The following ZNF461 variants were observed in gnomAD, a reference collection of about 807,000 sequenced individuals.
ZNF461 encodes the protein gonadotropin-inducible ovarian transcription factor-1.
Under a neutral mutation model 18.3 loss-of-function variants are expected in ZNF461, and 16 were observed. That is an observed-to-expected ratio of 0.88 (90% confidence interval 0.59 to 1.33). The LOEUF (loss-of-function observed/expected upper bound fraction) is 1.33, where lower values mean the gene tolerates loss of function less well. Ranked by LOEUF, ZNF461 falls within the 40% of genes most tolerant of loss-of-function variation. The pLI is 0.00. For synonymous variants in ZNF461, 179 were observed against 216.9 expected (o/e 0.83, Z 1.54); for missense variants, 595 against 669.9 (o/e 0.89, Z 1.23).
intron 4 of ZNF461, among the ~76,000 whole-genome samples, chr19:36,648,411 G>C (rs2037566257): frequency 6.6e-6 from 1 of 151,998 alleles, no homozygotes. Context: ...AGCAATGCAA[G>C]AATGATCTAA....
At chr19:36,643,986 G>C in intron 4 of ZNF461, 124 bp from the exon 5 acceptor site, 1 of 740,476 alleles carries the variant, frequency 1.4e-6, no homozygotes, top group Non-Finnish European at 1.9e-6. Flanking sequence ...AAGCTGGAGT[G>C]CAATCACACA....
In ZNF461 at chr19:36,656,430, C is replaced by G; in HGVS notation, c.232+18G>C. On this transcript the variant is annotated intron_variant, in intron 4 of 5. Coordinates refer to ENST00000588268, the MANE Select transcript of ZNF461 (RefSeq NM_153257.5). ...CTGGCCTGCTCTCTGCAAGAGCTTC[C>G]TGTGCTTGCTCACTCACCTGGGCAC... 6.2e-7 allele frequency: 1 copy of G among 1,607,546 alleles called. No homozygotes were observed. Among genetic ancestry groups the G allele is most frequent in the African/African-American group, 1.3e-5 (1 of 74,934 alleles).
rs781020841 is a variant in ZNF461, at chr19:36,639,770, G to A, written c.575C>T (p.Ser192Phe). The change falls in exon 6 of 6, where the codon TCT (serine) becomes TTT (phenylalanine). Residue 192 changes from serine (S) to phenylalanine (F), a missense_variant. By Grantham distance (155) the Ser-to-Phe change is radical. Coordinates refer to ENST00000588268, the MANE Select transcript of ZNF461 (RefSeq NM_153257.5). ...GATTTTTCTACACTTTTTACATTCA[G>A]AGATTTTCTCTCTATCATAAAATTC... Reference protein sequence around the residue: ...TQEFYDREKISECKKCRKIFS... With the variant: ...TQEFYDREKIFECKKCRKIFS... 1 of 1,613,572 alleles carries A rather than the reference G, an allele frequency of 6.2e-7. No individual in the cohort carries two copies. The highest frequency in any genetic ancestry group is 1.1e-5 in the South Asian group (1 of 91,050).
At chr19:36,644,185 G>A (rs1389221999) in intron 4 of ZNF461, among the ~76,000 whole-genome samples, 3 of 151,954 alleles carry the variant, frequency 2.0e-5, no homozygotes, top group Non-Finnish European at 2.9e-5. Context: ...CGCCCACCTC[G>A]GCCTCCCAAA....
At chr19:36,645,080 T>C (rs1426468337) in intron 4 of ZNF461, 5 of 152,378 alleles carry the variant, frequency 3.3e-5, no homozygotes, top group Non-Finnish European at 5.9e-5. Flanking sequence ...AATAGAAATG[T>C]AGCTGGGTGT....
rs946412454 is a variant in ZNF461 at position 36,638,023 on chromosome 19, G to A, written c.*630C>T. On this transcript the variant is annotated 3_prime_UTR_variant, in exon 6 of 6. Coordinates refer to ENST00000588268, the MANE Select transcript of ZNF461 (RefSeq NM_153257.5). ...TCTTTAATCCCACTGTTGGGAATCT[G>A]CACAATAGAAACAAAAGAAGGTAAA... 1 of 218,396 alleles carries A rather than the reference G, an allele frequency of 4.6e-6. No individual in the cohort carries two copies. Among genetic ancestry groups the A allele is most frequent in the African/African-American group, 2.4e-5 (1 of 42,428 alleles). The allele number at this position is 218,396 out of a possible 1,614,324, so 13.5% of individuals were successfully genotyped here.
intron 2 of ZNF461, among the ~76,000 whole-genome samples, chr19:36,661,771 C>G (rs1039300737): frequency 2.0e-5 from 3 of 152,062 alleles, no homozygotes; most frequent in African/African-American, 7.3e-5. Context: ...AAACTCAGAT[C>G]ACAGGAAGGA....
chr19:36,648,665 C>T (rs565443719), intron 4 of ZNF461, among the ~76,000 whole-genome samples: 3 of 152,228 alleles, frequency 2.0e-5, no homozygotes, highest in South Asian at 4.1e-4. Flanking sequence ...CTGCAACCTT[C>T]GCCTCCCAGG....
At chr19:36,640,246 A>G (rs1442422911) in intron 5 of ZNF461, 6 of 489,370 alleles carry the variant, frequency 1.2e-5, no homozygotes, top group African/African-American at 3.9e-5. Context: ...ATGGTGCTGA[A>G]ATTTTGATCC....
In ZNF461 at chr19:36,664,802, G is replaced by T; in HGVS notation, c.-80-16C>A. On this transcript the variant is annotated splice_polypyrimidine_tract_variant and intron_variant, in intron 1 of 5. Transcript: ENST00000588268. ...GAAGGTGTTGCTGGGAGAGAGGGGA[G>T]TTAAAAAAAAGACAGGAGATTATTG... The T allele has an allele frequency of 1.0e-6, 1 of 983,928 alleles. No homozygotes were observed. The highest frequency in any genetic ancestry group is 1.4e-6 in the Non-Finnish European group (1 of 701,748). 60.9% of individuals were successfully genotyped at this position (983,928 alleles called of 1,614,324 possible).
At chr19:36,658,622 T>G in intron 2 of ZNF461, 197 bp from the exon 3 acceptor site, 1 of 443,768 alleles carries the variant, frequency 2.3e-6, no homozygotes, top group Non-Finnish European at 3.9e-6. Flanking sequence ...ATTCATTTTC[T>G]GCAGACACAT....
At chr19:36,645,635 T>G (rs1224968317) in intron 4 of ZNF461, among the ~76,000 whole-genome samples, 1 of 152,118 alleles carries the variant, frequency 6.6e-6, no homozygotes, top group Non-Finnish European at 1.5e-5. Context: ...CCTTACATAG[T>G]TAACTGTTTT....
At chr19:36,661,903 C>T (rs775042190) in intron 2 of ZNF461, among the ~76,000 whole-genome samples, 4 of 151,986 alleles carry the variant, frequency 2.6e-5, no homozygotes, top group Non-Finnish European at 2.9e-5. Context: ...GGCGGAGTTT[C>T]GCTCTTTTGA....
intron 3 of ZNF461, 121 bp downstream of exon 3, chr19:36,658,178 T>A (rs967227096): frequency 5.9e-6 from 6 of 1,017,004 alleles, no homozygotes; most frequent in Non-Finnish European, 8.5e-6. Flanking sequence ...AGAAAATTCA[T>A]CCAGTTATTT....
At chr19:36,640,122 T>A in intron 5 of ZNF461, 79 bp from the exon 6 acceptor site, 1 of 1,187,738 alleles carries the variant, frequency 8.4e-7, no homozygotes, top group Non-Finnish European at 1.2e-6. Flanking sequence ...CAATGAGAGA[T>A]AACTGCAAAT....
At chr19:36,654,343 T>C (rs2037679775) in intron 4 of ZNF461, among the ~76,000 whole-genome samples, 1 of 152,082 alleles carries the variant, frequency 6.6e-6, no homozygotes, top group South Asian at 2.1e-4. Flanking sequence ...AACACAAATG[T>C]ATTCTCTCAC....
At chr19:36,651,708 G>A (rs907158272) in intron 4 of ZNF461, among the ~76,000 whole-genome samples, 2 of 152,172 alleles carry the variant, frequency 1.3e-5, no homozygotes, top group South Asian at 2.1e-4. Flanking sequence ...GGAGAGGCAC[G>A]CTGTGTTCAT....
chr19:36,658,244 T>C, intron 3 of ZNF461, 55 bp downstream of exon 3: 3 of 1,544,844 alleles, frequency 1.9e-6, no homozygotes, highest in Admixed American at 4.0e-5. Flanking sequence ...AAGTAGATTG[T>C]GAATTGTTAG....
chr19:36,651,252 A>G (rs1417942985), intron 4 of ZNF461, among the ~76,000 whole-genome samples: 1 of 151,614 alleles, frequency 6.6e-6, no homozygotes, highest in Non-Finnish European at 1.5e-5. Context: ...AAAAAAAAAA[A>G]AAAAATTCCT....
Sources: gnomAD v4.1 joint callset for allele counts (sites outside exome capture counted in the v4.1 genomes callset) on GRCh38, gnomAD v4.1.1 for gene constraint, MANE v1.5 for transcripts, NCBI Gene and HGNC (gene_info 2026-07-23, HGNC 2026-07-21) for gene names.